Variants in CSMD1 observed in about 807,000 individuals in gnomAD.
CSMD1 encodes CUB and Sushi multiple domains 1.
CSMD1 carries 213 observed loss-of-function variants against 417.5 expected under a neutral mutation model. That is an observed-to-expected ratio of 0.51 (90% CI 0.46 to 0.57). CSMD1 has a LOEUF of 0.57. Among genes scored for constraint, CSMD1 ranks in the 20% least tolerant of loss-of-function variants. The pLI is 0.00. For missense variants in CSMD1, 6,923 were observed against 4,529.7 expected (o/e 1.53, Z -15.17); for synonymous variants, 2,862 against 1,736.8 (o/e 1.65, Z -16.11).
At chr8:4,330,334 C>G (rs1277687903) in intron 3 of CSMD1, among the ~76,000 whole-genome samples, 1 of 151,536 alleles carries the variant, frequency 6.6e-6, no homozygotes. Context: ...CTGGCTCACA[C>G]CTGTAATCCC....
chr8:4,834,179 G>A (rs1390601653), intron 1 of CSMD1, among the ~76,000 whole-genome samples: 1 of 152,154 alleles, frequency 6.6e-6, no homozygotes, highest in Admixed American at 6.6e-5. Flanking sequence ...GTTATGTCAG[G>A]TTTAAATCTG....
intron 6 of CSMD1, among the ~76,000 whole-genome samples, chr8:3,737,248 T>C (rs1222230860): frequency 6.6e-6 from 1 of 152,144 alleles, no homozygotes; most frequent in Non-Finnish European, 1.5e-5. Context: ...GATAAGCCGA[T>C]TGGGAGTAAT....
chr8:3,338,348 T>C (rs893339534), intron 23 of CSMD1, among the ~76,000 whole-genome samples: 1 of 152,230 alleles, frequency 6.6e-6, no homozygotes, highest in Non-Finnish European at 1.5e-5. Context: ...AGCAAGTGAA[T>C]GAGGGCAGTA....
In CSMD1 at chr8:3,482,814, G is replaced by C. The variant is rs1817822767; in HGVS notation, c.1448+10809C>G. Among the ~76,000 whole-genome samples the C allele has an allele frequency of 2.6e-5, 4 of 152,142 alleles. 1 individual carries two copies. The highest frequency in any genetic ancestry group is 3.4e-3 in the Middle Eastern group (1 of 294). ...CACAAAGGAATCAAACTAGAAATCA[G>C]TTATTAAAAGGCAGTAGAAAAATCT... is the stretch of plus-strand genomic sequence containing the variant. On this transcript the variant is annotated intron_variant, in intron 11 of 69. Coordinates refer to ENST00000635120, the MANE Select transcript of CSMD1 (RefSeq NM_033225.6).
intron 3 of CSMD1, among the ~76,000 whole-genome samples, chr8:4,271,857 G>A (rs555421591): frequency 2.6e-5 from 4 of 152,158 alleles, no homozygotes; most frequent in Non-Finnish European, 4.4e-5. Context: ...AAGGCACAGT[G>A]CATTCCACGA....
At chr8:3,805,300 C>T (rs779840525) in intron 5 of CSMD1, among the ~76,000 whole-genome samples, 2 of 152,180 alleles carry the variant, frequency 1.3e-5, no homozygotes, top group Non-Finnish European at 2.9e-5. Context: ...CCACAGATTC[C>T]ACCAGGACAC....
chr8:4,425,540 G>C (rs1797499983), intron 2 of CSMD1, among the ~76,000 whole-genome samples: 1 of 152,070 alleles, frequency 6.6e-6, no homozygotes. Flanking sequence ...CTTATAAGGA[G>C]CTGGCAAGAC....
rs1554487804 is a variant in CSMD1 at position 3,256,309 on chromosome 8, G to GGAAA, written c.4154-26079_4154-26078insTTTC. 3.0e-3 allele frequency among the ~76,000 whole-genome samples: 248 copies of GGAAA among 81,430 alleles called. 4 individuals are homozygous for GGAAA. Among genetic ancestry groups the GGAAA allele is most frequent in the African/African-American group, 0.012 (238 of 20,326 alleles). The allele number at this position is 81,430 out of a possible 152,430, so 53.4% of individuals were successfully genotyped here. A position where few individuals can be genotyped will look rare whatever the true frequency, so the allele number is the denominator to read the frequency against. ...TTGACAGAGCAAGACTAAGTCTCAA[G>GGAAA]AAAAAAAAAAAAAAAAGAGAAGAAA... On this transcript the variant is annotated intron_variant, in intron 26 of 69. Transcript: ENST00000635120.
intron 4 of CSMD1, among the ~76,000 whole-genome samples, chr8:4,020,901 C>T (rs540679367): frequency 1.3e-5 from 2 of 152,190 alleles, no homozygotes; most frequent in South Asian, 4.1e-4. Context: ...CTCAAATATG[C>T]TTCAGCAATT....
At chr8:3,239,724 C>T (rs890167011) in intron 26 of CSMD1, among the ~76,000 whole-genome samples, 10 of 152,186 alleles carry the variant, frequency 6.6e-5, no homozygotes, top group Non-Finnish European at 1.0e-4. Flanking sequence ...CCTTTGCTGG[C>T]GTGGGGCGAT....
chr8:3,952,405 A>T (rs188173181), intron 5 of CSMD1, among the ~76,000 whole-genome samples: 51 of 152,364 alleles, frequency 3.3e-4, no homozygotes, highest in African/African-American at 1.2e-3. Flanking sequence ...TTCATTAAAA[A>T]TATGTATGTT....
chr8:4,713,892 T>G (rs1224641559), intron 1 of CSMD1, among the ~76,000 whole-genome samples: 1 of 152,086 alleles, frequency 6.6e-6, no homozygotes, highest in African/African-American at 2.4e-5. Flanking sequence ...GAGATAAAAT[T>G]TGGGCTTGTG....
intron 3 of CSMD1, among the ~76,000 whole-genome samples, chr8:4,246,506 G>A (rs73658498): frequency 1.3e-5 from 2 of 152,140 alleles, no homozygotes; most frequent in East Asian, 3.9e-4. Flanking sequence ...AAAGAAAATT[G>A]TAAGACCCTT....
At chr8:3,291,044 A>C (rs1162026857) in intron 25 of CSMD1, among the ~76,000 whole-genome samples, 1 of 152,138 alleles carries the variant, frequency 6.6e-6, no homozygotes, top group Non-Finnish European at 1.5e-5. Context: ...AGGGTTGTTG[A>C]ATTTTGTCAA....
chr8:4,002,242 T>C (rs1168641333), intron 4 of CSMD1, among the ~76,000 whole-genome samples: 2 of 152,116 alleles, frequency 1.3e-5, no homozygotes, highest in Non-Finnish European at 2.9e-5. Flanking sequence ...TGTGTGCGTG[T>C]GTTTGTGTGT....
intron 5 of CSMD1, among the ~76,000 whole-genome samples, chr8:3,955,438 G>A (rs1188631103): frequency 6.6e-6 from 1 of 152,106 alleles, no homozygotes; most frequent in Non-Finnish European, 1.5e-5. Context: ...AAATAAACCA[G>A]AATGAAAAAA....
chr8:3,950,122 T>C (rs1811506697), intron 5 of CSMD1, among the ~76,000 whole-genome samples: 1 of 152,114 alleles, frequency 6.6e-6, no homozygotes, highest in Non-Finnish European at 1.5e-5. Flanking sequence ...ATTAGACACG[T>C]TACACTGACC....
chr8:3,538,516 C>A lies in CSMD1; in HGVS notation c.1344+36429G>T, dbSNP rs552065177. Among the ~76,000 whole-genome samples the A allele has an allele frequency of 5.9e-5, 9 of 152,270 alleles. No individual in the cohort carries two copies. In the East Asian group the frequency reaches 1.5e-3, roughly 26 times the overall value. ...CACCTGCGATGCCTCACCTGAGATG[C>A]CCCACCTGCGATGCCTCGCCTGCGA... On this transcript the variant is annotated intron_variant, in intron 10 of 69. Coordinates refer to ENST00000635120, the MANE Select transcript of CSMD1 (RefSeq NM_033225.6).
At chr8:3,794,579 G>A (rs1799936450) in intron 5 of CSMD1, among the ~76,000 whole-genome samples, 1 of 150,862 alleles carries the variant, frequency 6.6e-6, no homozygotes, top group Non-Finnish European at 1.5e-5. Flanking sequence ...GTAACCCATT[G>A]GTTTATTTTT....
Sources: gnomAD v4.1 joint callset for allele counts (sites outside exome capture counted in the v4.1 genomes callset) on GRCh38, gnomAD v4.1.1 for gene constraint, MANE v1.5 for transcripts, NCBI Gene and HGNC (gene_info 2026-07-23, HGNC 2026-07-21) for gene names.